The following CASK variants were observed in gnomAD, a reference collection of about 807,000 sequenced individuals.
The protein encoded by CASK is peripheral plasma membrane protein CASK.
In CASK, 4 loss-of-function variants were observed where a neutral mutation model predicts 82.9. The observed-to-expected ratio is 0.05, with a 90% CI of 0.02 to 0.11. The LOEUF (loss-of-function observed/expected upper bound fraction) is 0.11, where lower values mean the gene tolerates loss of function less well. Ranked by LOEUF, CASK falls within the 10% of genes least tolerant of loss-of-function variation. The pLI is 1.00. For missense variants in CASK, 358 were observed against 720.9 expected (o/e 0.50, Z 5.76); for synonymous variants, 259 against 253.5 (o/e 1.02, Z -0.20).
intron 1 of CASK, among the ~76,000 whole-genome samples, chrX:41,857,528 T>C (rs2071394925): frequency 9.0e-6 from 1 of 111,719 alleles, no homozygotes; most frequent in African/African-American, 3.3e-5. Flanking sequence ...ACCATTAATA[T>C]CCTCAGAAAG....
intron 12 of CASK, among the ~76,000 whole-genome samples, chrX:41,607,788 A>G (rs2065982367): frequency 1.8e-5 from 2 of 111,866 alleles, no homozygotes; most frequent in African/African-American, 6.5e-5. Context: ...CAAAGGATAC[A>G]GTAGAAGATT....
At chrX:41,623,600 G>A (rs1018641513) in intron 10 of CASK, among the ~76,000 whole-genome samples, 1 of 109,924 alleles carries the variant, frequency 9.1e-6, no homozygotes, top group Non-Finnish European at 1.9e-5. Flanking sequence ...TAGTAGAGAT[G>A]GGGGTTTCAC....
chrX:41,648,936 G>A (rs1422699046), intron 8 of CASK, among the ~76,000 whole-genome samples: 1 of 111,648 alleles, frequency 9.0e-6, no homozygotes, highest in East Asian at 2.8e-4. Flanking sequence ...TTCAGAGCCT[G>A]TTATTGGTCT....
intron 12 of CASK, among the ~76,000 whole-genome samples, chrX:41,603,440 A>G (rs1393271251): frequency 1.8e-5 from 2 of 112,074 alleles, no homozygotes; most frequent in Non-Finnish European, 3.8e-5. Flanking sequence ...AGATGGAAAA[A>G]TGCTAACTCT....
chrX:41,690,859 G>C (rs185339814), intron 5 of CASK, among the ~76,000 whole-genome samples: 1 of 108,301 alleles, frequency 9.2e-6, no homozygotes, highest in East Asian at 2.9e-4. Flanking sequence ...TTTTTGTAGA[G>C]ACAGGGTTTC....
Position 41,738,635 on chromosome X carries a change from A to C in CASK, c.429+749T>G, listed in dbSNP as rs2068542439. Reference sequence around the variant, plus strand: ...AATATATCTTGAGGGAAGGAACACTATGTATGTGCATGCTGGAGGTTAGAG... The same window carrying C: ...AATATATCTTGAGGGAAGGAACACTCTGTATGTGCATGCTGGAGGTTAGAG... On this transcript the variant is annotated intron_variant, in intron 5 of 26. Coordinates refer to ENST00000378163, the MANE Select transcript of CASK (RefSeq NM_001367721.1). Among the ~76,000 whole-genome samples, 3 of 111,988 alleles carry C rather than the reference A, an allele frequency of 2.7e-5. No homozygotes were observed. In the South Asian group the frequency reaches 1.1e-3, roughly 41 times the overall value.
intron 23 of CASK, 33 bp from the exon 24 acceptor site, chrX:41,534,819 T>C (rs776562354): frequency 1.6e-5 from 18 of 1,158,741 alleles, no homozygotes; most frequent in South Asian, 1.3e-4. Flanking sequence ...ATGTTAAAAC[T>C]GACAACTCTT....
intron 15 of CASK, 24 bp downstream of exon 15, chrX:41,578,316 T>C (rs368366184): frequency 1.9e-5 from 22 of 1,136,260 alleles, no homozygotes; most frequent in Admixed American, 6.6e-5. Context: ...ATGAGAGTAT[T>C]GAAAACTTTC....
chrX:41,621,508 T>A (rs1187937544), intron 11 of CASK, among the ~76,000 whole-genome samples: 1 of 111,370 alleles, frequency 9.0e-6, no homozygotes. Context: ...GCAACAACCA[T>A]GTGAGTGAGC....
At chrX:41,802,323 T>C (rs2070016767) in intron 2 of CASK, among the ~76,000 whole-genome samples, 1 of 110,894 alleles carries the variant, frequency 9.0e-6, no homozygotes, top group African/African-American at 3.3e-5. Flanking sequence ...ACAGAAGGGT[T>C]AGAAGATCAA....
chrX:41,688,922 GA>G (rs1160291260), intron 5 of CASK: 1,091 of 102,194 alleles, frequency 0.011, 9 homozygotes, highest in Non-Finnish European at 0.016. Context: ...AAAAGAGGGG[GA>G]AAAAAAAAAC....
In CASK at chrX:41,517,573, T is replaced by C; in HGVS notation, c.*2847A>G. On this transcript the variant is annotated 3_prime_UTR_variant, in exon 27 of 27. Transcript: ENST00000378163. ...CCTTTCTTGCTGTGGGGAATGGAGT[T>C]GGGTGGGGGAGAGAACCTTCAAAAT... 2 of 355,429 alleles carry C rather than the reference T, an allele frequency of 5.6e-6. No individual in the cohort carries two copies. The highest frequency in any genetic ancestry group is 9.3e-5 in the East Asian group (2 of 21,555). 29.3% of individuals were successfully genotyped at this position (355,429 alleles called of 1,213,427 possible).
chrX:41,676,526 C>G, intron 5 of CASK: 1 of 1,147,645 alleles, frequency 8.7e-7, no homozygotes, highest in Non-Finnish European at 1.2e-6. Flanking sequence ...GCTCCCCTCG[C>G]GCCGGCACGC....
At chrX:41,604,689 A>T (rs978140811) in intron 12 of CASK, among the ~76,000 whole-genome samples, 3 of 111,712 alleles carry the variant, frequency 2.7e-5, no homozygotes, top group Non-Finnish European at 5.6e-5. Flanking sequence ...TGATCTATAC[A>T]TTTCATACGA....
intron 2 of CASK, among the ~76,000 whole-genome samples, chrX:41,832,293 T>G (rs1048860893): frequency 1.8e-5 from 2 of 112,011 alleles, no homozygotes; most frequent in Non-Finnish European, 3.8e-5. Flanking sequence ...CCTTGGAAGT[T>G]ATGTCTATGG....
intron 11 of CASK, among the ~76,000 whole-genome samples, chrX:41,619,964 C>T (rs768591412): frequency 8.9e-6 from 1 of 112,510 alleles, no homozygotes; most frequent in East Asian, 2.8e-4. Context: ...TAGTACACTT[C>T]ACCCTTAAAG....
rs897330968 is a variant in CASK, at chrX:41,702,046, T to C, written c.430-30516A>G. On this transcript the variant is annotated intron_variant, in intron 5 of 26. Coordinates refer to ENST00000378163, the MANE Select transcript of CASK (RefSeq NM_001367721.1). ...AATTGCCATTAATATGTATTGGGGG[T>C]AAAAATTTCTGCTTACCACTCATCA... is the stretch of plus-strand genomic sequence containing the variant. Among the ~76,000 whole-genome samples, 11 of 107,736 alleles carry C rather than the reference T, an allele frequency of 1.0e-4. No homozygotes were observed. The East Asian group carries it at 3.2e-3, about 32-fold the overall frequency. 93.6% of individuals were successfully genotyped at this position (107,736 alleles called of 115,157 possible). A position where few individuals can be genotyped will look rare whatever the true frequency, so the allele number is the denominator to read the frequency against.
intron 5 of CASK, chrX:41,676,589 G>T: frequency 1.5e-6 from 1 of 676,607 alleles, no homozygotes; most frequent in Non-Finnish European, 2.2e-6. Context: ...CTGGGCTCTG[G>T]CCTGCTCTCC....
At chrX:41,839,957 C>T (rs1569465245) in intron 2 of CASK, among the ~76,000 whole-genome samples, 2 of 111,979 alleles carry the variant, frequency 1.8e-5, no homozygotes, top group Non-Finnish European at 3.8e-5. Flanking sequence ...ACCAATACTA[C>T]ACTGTCATGA....
Sources: gnomAD v4.1 joint callset for allele counts (sites outside exome capture counted in the v4.1 genomes callset) on GRCh38, gnomAD v4.1.1 for gene constraint, MANE v1.5 for transcripts, NCBI Gene and HGNC (gene_info 2026-07-23, HGNC 2026-07-21) for gene names.